Variants in KCNQ1 observed in about 807,000 individuals in gnomAD.
KCNQ1 encodes potassium voltage-gated channel subfamily Q member 1, also known as potassium voltage-gated channel subfamily KQT member 1.
In KCNQ1, 49 loss-of-function variants were observed where a neutral mutation model predicts 72.4. That is an observed-to-expected ratio of 0.68 (90% confidence interval 0.54 to 0.86). The LOEUF is 0.86. KCNQ1 is among the 40% of genes least tolerant of loss of function. The pLI is 0.00. For missense variants in KCNQ1, 790 were observed against 945.1 expected (o/e 0.84, Z 2.15); for synonymous variants, 450 against 412.6 (o/e 1.09, Z -1.10).
intron 7 of KCNQ1, among the ~76,000 whole-genome samples, chr11:2,584,515 TTGTGTGTTAGTG>T (rs757393795): frequency 5.6e-5 from 8 of 142,772 alleles, no homozygotes; most frequent in South Asian, 4.5e-4. Context: ...GTGTGTGTGT[TTGTGTGTTAGTG>T]TGTGTGTTAG....
intron 11 of KCNQ1, chr11:2,699,480 G>C: frequency 2.6e-6 from 1 of 379,940 alleles, no homozygotes; most frequent in Non-Finnish European, 4.6e-6. Context: ...GCGCTGAGGA[G>C]CCCCCGGGGA....
In KCNQ1 at chr11:2,827,633, A is replaced by AAAAAAAAAGGGG. The variant is rs1847865425; in HGVS notation, c.1795-20134_1795-20133insAAAAAAAAGGGG. The stretch of plus-strand genomic sequence containing the variant: ...AGGGTTCTGTTGATTAAAAAAAAAA[A>AAAAAAAAAGGGG]GTGGGGTCGGGGGGGCGGGGGAGAG... On this transcript the variant is annotated intron_variant, in intron 15 of 15. Coordinates refer to ENST00000155840, the MANE Select transcript of KCNQ1 (RefSeq NM_000218.3). This position sits in a 1 kb window ranked among gnomAD's most constrained non-coding sequence, Gnocchi z 6.7. Among the ~76,000 whole-genome samples the AAAAAAAAAGGGG allele has an allele frequency of 7.9e-5, 1 of 12,666 alleles. No individual in the cohort carries two copies. The highest frequency in any genetic ancestry group is 1.1e-3 in the Admixed American group (1 of 908). 8.3% of individuals were successfully genotyped at this position (12,666 alleles called of 152,430 possible).
chr11:2,811,554 A>C (rs1371483140), intron 15 of KCNQ1, among the ~76,000 whole-genome samples: 1 of 152,210 alleles, frequency 6.6e-6, no homozygotes, highest in Admixed American at 6.5e-5. Flanking sequence ...GCTTGGTCTG[A>C]CAAGCCCAGG....
intron 2 of KCNQ1, among the ~76,000 whole-genome samples, chr11:2,548,150 C>CG (rs1368979187): frequency 6.6e-6 from 1 of 152,150 alleles, no homozygotes; most frequent in Non-Finnish European, 1.5e-5. Context: ...GATAAGGTGG[C>CG]GGCAGGCAGG....
chr11:2,506,127 T>A (rs1034314126), intron 1 of KCNQ1, among the ~76,000 whole-genome samples: 1 of 152,216 alleles, frequency 6.6e-6, no homozygotes, highest in Non-Finnish European at 1.5e-5. Flanking sequence ...GTGCCTTCAA[T>A]GTCGTATTCA....
chr11:2,819,636 G>A (rs1215082124), intron 15 of KCNQ1, among the ~76,000 whole-genome samples: 1 of 152,184 alleles, frequency 6.6e-6, no homozygotes, highest in Non-Finnish European at 1.5e-5. Context: ...GGTGCCTGGG[G>A]TTTTACCTTG....
At chr11:2,838,045 C>A (rs1306997277) in intron 15 of KCNQ1, among the ~76,000 whole-genome samples, 3 of 152,224 alleles carry the variant, frequency 2.0e-5, no homozygotes, top group Admixed American at 6.5e-5. Flanking sequence ...GTGGGACAGA[C>A]TGAGGAAGCC....
At chr11:2,587,813 G>A (rs1848616402) in intron 9 of KCNQ1, 121 bp downstream of exon 9, 5 of 1,403,834 alleles carry the variant, frequency 3.6e-6, no homozygotes, top group Non-Finnish European at 3.0e-6. Context: ...CTGTGTCAGG[G>A]AGTCAGCATC....
At chr11:2,845,907 T>G (rs1430641099) in intron 15 of KCNQ1, among the ~76,000 whole-genome samples, 1 of 152,160 alleles carries the variant, frequency 6.6e-6, no homozygotes, top group Non-Finnish European at 1.5e-5. Context: ...CTTAGCCTGC[T>G]CAGCCTCCGT....
rs1283913151 is a variant in KCNQ1, at chr11:2,645,079, G to A, written c.1394-16882G>A. ...TGATGACAGAGCTGGGCCACAGGGTGGGTAGGTCCTTGAGCTCTGAGCAGC... is the reference window on the plus strand; with the variant it reads ...TGATGACAGAGCTGGGCCACAGGGTAGGTAGGTCCTTGAGCTCTGAGCAGC... On this transcript the variant is annotated intron_variant, in intron 10 of 15. Coordinates refer to ENST00000155840, the MANE Select transcript of KCNQ1 (RefSeq NM_000218.3). This position sits in a 1 kb window ranked among gnomAD's most constrained non-coding sequence, Gnocchi z 5.8. 5.0e-6 allele frequency: 2 copies of A among 398,542 alleles called. No individual in the cohort carries two copies. 24.7% of individuals were successfully genotyped at this position (398,542 alleles called of 1,614,324 possible). A position where few individuals can be genotyped will look rare whatever the true frequency, so the allele number is the denominator to read the frequency against.
chr11:2,819,447 G>A (rs1456576175), intron 15 of KCNQ1, among the ~76,000 whole-genome samples: 1 of 152,214 alleles, frequency 6.6e-6, no homozygotes, highest in Non-Finnish European at 1.5e-5. Flanking sequence ...ACCTGAAACA[G>A]CAGGGTCCAA....
At position 2,728,982 on chromosome 11, in the gene KCNQ1, G is replaced by A. The variant is rs532466433; in HGVS notation, c.1515-39862G>A. ...GTGATAAGGTGTTGATTGGTTCTGG[G>A]AGCCACTGCAGACACAGGGGCTGTT... On this transcript the variant is annotated intron_variant, in intron 11 of 15. Coordinates refer to ENST00000155840, the MANE Select transcript of KCNQ1 (RefSeq NM_000218.3). 1.5e-3 allele frequency among the ~76,000 whole-genome samples: 227 copies of A among 152,348 alleles called. 1 individual carries two copies. The highest frequency in any genetic ancestry group is 5.1e-3 in the African/African-American group (213 of 41,588).
At chr11:2,610,911 G>T in intron 10 of KCNQ1, 1 of 398,072 alleles carries the variant, frequency 2.5e-6, no homozygotes, top group African/African-American at 2.1e-5. Flanking sequence ...TAGTAGTTGG[G>T]TAATAGTTCA....
chr11:2,471,985 T>G lies in KCNQ1; in HGVS notation c.386+26501T>G, dbSNP rs1589899070. ...ATATATATGGGTGTGTGTGCACCTA[T>G]GTGTATAAGTGTGTGTGCACATGTG... On this transcript the variant is annotated intron_variant, in intron 1 of 15. Coordinates refer to ENST00000155840, the MANE Select transcript of KCNQ1 (RefSeq NM_000218.3). This position sits in a 1 kb window ranked among gnomAD's most constrained non-coding sequence, Gnocchi z 4.8. Among the ~76,000 whole-genome samples, 1 of 151,944 alleles carries G rather than the reference T, an allele frequency of 6.6e-6. No individual in the cohort carries two copies. Among genetic ancestry groups the G allele is most frequent in the East Asian group, 1.9e-4 (1 of 5,152 alleles).
At chr11:2,800,452 C>A (rs1023701915) in intron 15 of KCNQ1, among the ~76,000 whole-genome samples, 1 of 152,236 alleles carries the variant, frequency 6.6e-6, no homozygotes, top group African/African-American at 2.4e-5. Context: ...TTCCCCACCC[C>A]ACTTGCCTCA....
In KCNQ1 at chr11:2,768,742, G is replaced by T; in HGVS notation, c.1515-102G>T. On this transcript the variant is annotated intron_variant, in intron 11 of 15. Coordinates refer to ENST00000155840, the MANE Select transcript of KCNQ1 (RefSeq NM_000218.3). This position sits in a 1 kb window ranked among gnomAD's most constrained non-coding sequence, Gnocchi z 6.7. ...GGAGTTGAACACTCTCCTTGTTTCT[G>T]GAAGGATCCAGTCTGCGTGCTCCTC... 1.1e-6 allele frequency: 1 copy of T among 894,764 alleles called. No homozygotes were observed. The highest frequency in any genetic ancestry group is 2.4e-5 in the East Asian group (1 of 40,892). The allele number at this position is 894,764 out of a possible 1,614,324, so 55.4% of individuals were successfully genotyped here. A position where few individuals can be genotyped will look rare whatever the true frequency, so the allele number is the denominator to read the frequency against.
chr11:2,572,540 C>T (rs1387779223), intron 5 of KCNQ1, among the ~76,000 whole-genome samples: 1 of 152,192 alleles, frequency 6.6e-6, no homozygotes, highest in Non-Finnish European at 1.5e-5. Flanking sequence ...CTCCTGGGTC[C>T]TGGTCCATTC....
At chr11:2,554,733 G>A (rs921521340) in intron 2 of KCNQ1, among the ~76,000 whole-genome samples, 12 of 152,194 alleles carry the variant, frequency 7.9e-5, no homozygotes, top group African/African-American at 2.7e-4. Context: ...ACAATTTCAC[G>A]ACAAGTCTGC....
chr11:2,571,291 T>G (rs1848329219), intron 3 of KCNQ1, 34 bp from the exon 4 acceptor site: 1 of 1,575,614 alleles, frequency 6.3e-7, no homozygotes, highest in Admixed American at 1.7e-5. Flanking sequence ...GCTGTGGCGA[T>G]CACGAAAAGC....
Sources: allele counts gnomAD v4.1 joint callset (sites outside exome capture counted in the v4.1 genomes callset), GRCh38; gene constraint gnomAD v4.1.1; non-coding constraint Gnocchi (gnomAD v3.1); transcripts MANE v1.5; gene names NCBI Gene and HGNC (gene_info 2026-07-23, HGNC 2026-07-21).